Variants in ZC3HAV1 observed in about 807,000 individuals in gnomAD.
ZC3HAV1 encodes zinc finger CCCH-type antiviral protein 1.
In ZC3HAV1, 41 loss-of-function variants were observed where a neutral mutation model predicts 86.6. That is an observed-to-expected ratio of 0.47 (90% CI 0.37 to 0.61). The LOEUF is 0.61. Among genes scored for constraint, ZC3HAV1 ranks in the 20% least tolerant of loss-of-function variants. The pLI is 0.00. For missense variants in ZC3HAV1, 964 were observed against 1,141.1 expected (o/e 0.84, Z 2.24); for synonymous variants, 421 against 432.1 (o/e 0.97, Z 0.32).
chr7:139,083,726 CAAAA>C (rs34732980), intron 3 of ZC3HAV1, 50 bp downstream of exon 3: 1,931 of 1,318,036 alleles, frequency 1.5e-3, no homozygotes, highest in Admixed American at 2.6e-3. Context: ...GACTCTGTCT[CAAAA>C]AAAAAAAAAA....
Position 139,094,939 on chromosome 7 carries a change from T to C in ZC3HAV1, c.309-5180A>G, listed in dbSNP as rs889053994. Among the ~76,000 whole-genome samples, 3 of 152,008 alleles carry C rather than the reference T, an allele frequency of 2.0e-5. No homozygotes were observed. The South Asian group carries it at 6.2e-4, about 32-fold the overall frequency. On this transcript the variant is annotated intron_variant, in intron 1 of 12. Transcript: ENST00000242351. Reference sequence around the variant, plus strand: ...AAATCGGTAAACACAGGACTAGCTCTGAACTCAACAGTCAGACCAAAAAGA... The same window carrying C: ...AAATCGGTAAACACAGGACTAGCTCCGAACTCAACAGTCAGACCAAAAAGA...
At chr7:139,098,297 A>G (rs1404580254) in intron 1 of ZC3HAV1, among the ~76,000 whole-genome samples, 2 of 152,218 alleles carry the variant, frequency 1.3e-5, no homozygotes, top group Non-Finnish European at 1.5e-5. Context: ...AATAAAATTG[A>G]TTTTAAAAAG....
At chr7:139,104,492 T>TTGCC (rs1445462657) in intron 1 of ZC3HAV1, among the ~76,000 whole-genome samples, 3 of 150,292 alleles carry the variant, frequency 2.0e-5, no homozygotes, top group Non-Finnish European at 4.4e-5. Context: ...GGTGGGCGGA[T>TTGCC]TGCCTGAGCT....
chr7:139,053,700 G>T, intron 11 of ZC3HAV1, 119 bp from the exon 12 acceptor site: 1 of 1,341,336 alleles, frequency 7.5e-7, no homozygotes. Context: ...TTTCACAACG[G>T]AGCTACTAAC....
At chr7:139,104,770 G>A (rs1354890458) in intron 1 of ZC3HAV1, among the ~76,000 whole-genome samples, 1 of 149,656 alleles carries the variant, frequency 6.7e-6, no homozygotes, top group South Asian at 2.1e-4. Context: ...GGGAGCGGTG[G>A]CTCATGCCTG....
intron 9 of ZC3HAV1, among the ~76,000 whole-genome samples, chr7:139,055,729 A>ATT (rs774067833): frequency 6.6e-6 from 1 of 151,802 alleles, no homozygotes; most frequent in Non-Finnish European, 1.5e-5. Flanking sequence ...CTGAGAAGTA[A>ATT]TTTTCTTTTT....
chr7:139,069,085 A>C (rs911602398), intron 7 of ZC3HAV1, among the ~76,000 whole-genome samples: 3 of 152,194 alleles, frequency 2.0e-5, no homozygotes, highest in African/African-American at 7.2e-5. Context: ...AGTCAGTCAT[A>C]TCTGTGCTGA....
intron 10 of ZC3HAV1, among the ~76,000 whole-genome samples, 174 bp downstream of exon 10, chr7:139,055,031 C>G (rs981030981): frequency 6.6e-6 from 1 of 152,154 alleles, no homozygotes; most frequent in African/African-American, 2.4e-5. Context: ...CTCAGGCAAT[C>G]CACTCGCCTC....
intron 1 of ZC3HAV1, among the ~76,000 whole-genome samples, chr7:139,099,886 C>G (rs1817700016): frequency 6.6e-6 from 1 of 151,734 alleles, no homozygotes; most frequent in Admixed American, 6.6e-5. Context: ...GAGATCACAC[C>G]ACTGCACTCT....
intron 3 of ZC3HAV1, 143 bp from the exon 4 acceptor site, chr7:139,080,386 A>T (rs1033269094): frequency 1.8e-5 from 19 of 1,057,696 alleles, no homozygotes; most frequent in Non-Finnish European, 2.5e-5. Flanking sequence ...TCTGATGTGT[A>T]AAAATCTTGA....
Position 139,109,496 on chromosome 7 carries a change from A to T in ZC3HAV1, c.-165T>A, listed in dbSNP as rs187565706. The T allele has an allele frequency of 8.2e-5, 70 of 849,622 alleles. No homozygotes were observed. The highest frequency in any genetic ancestry group is 1.1e-4 in the Non-Finnish European group (65 of 571,804). The allele number at this position is 849,622 out of a possible 1,614,324, so 52.6% of individuals were successfully genotyped here. A position where few individuals can be genotyped will look rare whatever the true frequency, so the allele number is the denominator to read the frequency against. ...CCGTCGCCGTTAGCCCAGCCCAGCG[A>T]TCCACTCTCGGCTCTCAGGTCAAGA... On this transcript the variant is annotated 5_prime_UTR_variant, in exon 1 of 13. Transcript: ENST00000242351.
intron 1 of ZC3HAV1, among the ~76,000 whole-genome samples, chr7:139,100,555 CAA>C (rs1448335828): frequency 1.3e-5 from 2 of 151,460 alleles, no homozygotes; most frequent in Non-Finnish European, 2.9e-5. Context: ...AAAACAAAAA[CAA>C]AAACAAACAA....
chr7:139,095,174 A>G (rs1263381905), intron 1 of ZC3HAV1, among the ~76,000 whole-genome samples: 1 of 152,224 alleles, frequency 6.6e-6, no homozygotes, highest in African/African-American at 2.4e-5. Context: ...GATAAAATCT[A>G]GAGAACATTG....
chr7:139,060,495 T>TCCGCC (rs1816410770), intron 9 of ZC3HAV1: 1 of 992,252 alleles, frequency 1.0e-6, no homozygotes, highest in South Asian at 4.5e-5. Context: ...TATCTCTTTC[T>TCCGCC]CCGCCCCTCA....
intron 3 of ZC3HAV1, among the ~76,000 whole-genome samples, chr7:139,083,339 T>G (rs1043067887): frequency 1.3e-5 from 2 of 152,116 alleles, no homozygotes; most frequent in South Asian, 4.1e-4. Context: ...TGTATACATA[T>G]GCATGAAGTT....
At chr7:139,092,010 G>A (rs190191285) in intron 1 of ZC3HAV1, among the ~76,000 whole-genome samples, 1 of 152,124 alleles carries the variant, frequency 6.6e-6, no homozygotes, top group African/African-American at 2.4e-5. Context: ...TTATACTTTG[G>A]TTTAGAAAGG....
intron 1 of ZC3HAV1, among the ~76,000 whole-genome samples, chr7:139,099,310 T>C (rs762429590): frequency 6.6e-6 from 1 of 152,214 alleles, no homozygotes; most frequent in African/African-American, 2.4e-5. Flanking sequence ...CATGACTCCA[T>C]GGACAGTGCA....
chr7:139,085,424 T>A (rs1038331843), intron 2 of ZC3HAV1, among the ~76,000 whole-genome samples: 6 of 152,234 alleles, frequency 3.9e-5, no homozygotes, highest in Non-Finnish European at 1.5e-5. Context: ...TCTTTTTATG[T>A]TCTCACAAGT....
chr7:139,054,117 TA>T, intron 10 of ZC3HAV1, 22 bp from the exon 11 acceptor site: 1 of 1,548,434 alleles, frequency 6.5e-7, no homozygotes, highest in Non-Finnish European at 8.7e-7. Context: ...TAAAAATAGA[TA>T]AATGTGAAAT....
Sources: gnomAD v4.1 joint callset for allele counts (sites outside exome capture counted in the v4.1 genomes callset) on GRCh38, gnomAD v4.1.1 for gene constraint, MANE v1.5 for transcripts, NCBI Gene and HGNC (gene_info 2026-07-23, HGNC 2026-07-21) for gene names.